Variants in NPHP3 observed in about 807,000 individuals in gnomAD.
The protein encoded by NPHP3 is nephrocystin-3.
A neutral mutation model predicts 171.9 loss-of-function variants in NPHP3; 123 were observed. The observed-to-expected ratio is 0.72, with a 90% CI of 0.62 to 0.83. The LOEUF (loss-of-function observed/expected upper bound fraction) is 0.83, where lower values mean the gene tolerates loss of function less well. Among genes scored for constraint, NPHP3 ranks in the 40% least tolerant of loss-of-function variants. The probability of loss-of-function intolerance (pLI) is 0.00; values close to 1 mark genes in which losing one functional copy is unlikely to be tolerated. For missense variants in NPHP3, 1,506 were observed against 1,591.9 expected (o/e 0.95, Z 0.92); for synonymous variants, 558 against 579.2 (o/e 0.96, Z 0.52).
intron 6 of NPHP3, chr3:132,712,505 G>A (rs1179948695): frequency 1.8e-5 from 8 of 455,930 alleles, no homozygotes; most frequent in Non-Finnish European, 2.6e-5. Flanking sequence ...GTTGGCCTAC[G>A]CCTGTAATCC....
At chr3:132,702,363 T>G (rs77147476) in intron 9 of NPHP3, among the ~76,000 whole-genome samples, 3,527 of 152,230 alleles carry the variant, frequency 0.023, 152 homozygotes, top group African/African-American at 0.08. Context: ...CTCAAGACAA[T>G]CAGGTTAGCC....
In NPHP3 at chr3:132,692,698, A is replaced by G. The variant is rs2107971631; in HGVS notation, c.2431T>C (p.Leu811=). The change falls in exon 17 of 27, where the codon TTG becomes CTG. Residue 811 remains leucine (L), a synonymous_variant. Coordinates refer to ENST00000337331, the MANE Select transcript of NPHP3 (RefSeq NM_153240.5). ...SLIHSLYKMC[L]LTYGCGLLRF... The stretch of plus-strand genomic sequence containing the variant: ...AGCAAGCCACATCCATAAGTCAACA[A>G]ACACATTTTGTATAAACTGTGAATA... 2.5e-6 allele frequency: 4 copies of G among 1,614,046 alleles called. No homozygotes were observed. Among genetic ancestry groups the G allele is most frequent in the Non-Finnish European group, 3.4e-6 (4 of 1,179,942 alleles).
intron 10 of NPHP3, among the ~76,000 whole-genome samples, chr3:132,701,153 T>C (rs1939596155): frequency 6.6e-6 from 1 of 152,230 alleles, no homozygotes; most frequent in Admixed American, 6.5e-5. Flanking sequence ...ATATCACATA[T>C]GATCACTTCC....
intron 16 of NPHP3, among the ~76,000 whole-genome samples, chr3:132,694,038 G>A (rs1341115940): frequency 6.6e-6 from 1 of 151,948 alleles, no homozygotes; most frequent in Non-Finnish European, 1.5e-5. Context: ...ATAATAAAAG[G>A]AGGTTTACCC....
intron 6 of NPHP3, chr3:132,712,389 G>C (rs1340164374): frequency 2.2e-6 from 1 of 456,380 alleles, no homozygotes; most frequent in Admixed American, 2.4e-5. Context: ...AGGCCAGATA[G>C]TAAACAACTC....
rs113466095 is a variant in NPHP3, at chr3:132,713,370, C to T, written c.958-84G>A. 1.3e-3 allele frequency: 1,121 copies of T among 832,650 alleles called. 11 individuals are homozygous for T. In the African/African-American group the frequency reaches 0.018, roughly 13 times the overall value. The allele number at this position is 832,650 out of a possible 1,614,324, so 51.6% of individuals were successfully genotyped here. ...TTCATACTACTTAAAATAAAAAGCA[C>T]GCTTTAAAACAGGTTATACTGGATA... On this transcript the variant is annotated intron_variant, in intron 5 of 26. Transcript: ENST00000337331.
intron 26 of NPHP3, 43 bp downstream of exon 26, chr3:132,682,660 C>A (rs373573980): frequency 1.8e-6 from 2 of 1,101,454 alleles, no homozygotes; most frequent in South Asian, 1.2e-5. Context: ...AAAGCTACTT[C>A]GAATAAAAGA....
Position 132,722,148 on chromosome 3 carries a change from G to A in NPHP3, c.208C>T (p.Leu70=), listed in dbSNP as rs765533675. 43 of 1,589,674 alleles carry A rather than the reference G, an allele frequency of 2.7e-5. No homozygotes were observed. Among genetic ancestry groups the A allele is most frequent in the Non-Finnish European group, 3.5e-5 (41 of 1,174,006 alleles). ...CCAGTGGACTTGAAGCTGGCCCCCAGCAGCCCGCCCGCGCCCACCCCGCGG... is the reference window on the plus strand; with the variant it reads ...CCAGTGGACTTGAAGCTGGCCCCCAACAGCCCGCCCGCGCCCACCCCGCGG... ...LPRGVGAGGL[L]GASFKSTGSS... The change falls in exon 1 of 27, where the codon CTG becomes TTG. Residue 70 remains leucine, a synonymous_variant. Transcript: ENST00000337331.
intron 16 of NPHP3, chr3:132,693,592 G>T (rs970432536): frequency 6.6e-6 from 1 of 152,238 alleles, no homozygotes; most frequent in African/African-American, 2.4e-5. Context: ...ATCCAGGTTC[G>T]GCAGGGCGCA....
chr3:132,684,900 A>G (rs1939116084), intron 23 of NPHP3, 106 bp from the exon 24 acceptor site: 1 of 1,332,674 alleles, frequency 7.5e-7, no homozygotes, highest in East Asian at 2.4e-5. Flanking sequence ...CTTAGATTCT[A>G]GTTAAAATAA....
intron 6 of NPHP3, 150 bp from the exon 7 acceptor site, chr3:132,708,407 T>C: frequency 1.4e-6 from 1 of 723,688 alleles, no homozygotes; most frequent in South Asian, 1.6e-5. Flanking sequence ...TTTCCAAAAA[T>C]GGATGTGTTA....
intron 11 of NPHP3, 118 bp downstream of exon 11, chr3:132,700,216 T>C (rs1015422046): frequency 5.0e-6 from 6 of 1,207,222 alleles, no homozygotes; most frequent in African/African-American, 1.5e-5. Context: ...TTTAACCTTA[T>C]ATAAAACCAA....
intron 18 of NPHP3, 55 bp from the exon 19 acceptor site, chr3:132,690,705 A>G: frequency 6.3e-7 from 1 of 1,585,376 alleles, no homozygotes; most frequent in Non-Finnish European, 8.7e-7. Context: ...GACTGCTTCA[A>G]AAAGGCTTCA....
At chr3:132,716,980 G>A (rs1332363458) in intron 3 of NPHP3, 71 bp from the exon 4 acceptor site, 19 of 1,396,898 alleles carry the variant, frequency 1.4e-5, no homozygotes, top group Non-Finnish European at 1.7e-5. Context: ...CACATATACC[G>A]AACAGGATTG....
rs1939116319 is a variant in NPHP3 at position 132,684,907 on chromosome 3, A to G, written c.3330-113T>C. The stretch of plus-strand genomic sequence containing the variant: ...TCTTTATTCTTAGATTCTAGTTAAA[A>G]TAAGAGATTCAGCTCAAAATCTTAC... On this transcript the variant is annotated intron_variant, in intron 23 of 26. Coordinates refer to ENST00000337331, the MANE Select transcript of NPHP3 (RefSeq NM_153240.5). 3 of 1,299,960 alleles carry G rather than the reference A, an allele frequency of 2.3e-6. No homozygotes were observed. The South Asian group carries it at 3.7e-5, about 16-fold the overall frequency. 80.5% of individuals were successfully genotyped at this position (1,299,960 alleles called of 1,614,324 possible).
intron 8 of NPHP3, among the ~76,000 whole-genome samples, chr3:132,704,739 A>T (rs561557291): frequency 6.6e-6 from 1 of 152,306 alleles, no homozygotes; most frequent in Non-Finnish European, 1.5e-5. Flanking sequence ...TGAATTACTA[A>T]GATGTGATTT....
At chr3:132,720,405 T>C (rs985803800) in intron 1 of NPHP3, among the ~76,000 whole-genome samples, 3 of 152,198 alleles carry the variant, frequency 2.0e-5, no homozygotes, top group East Asian at 1.9e-4. Context: ...CCAACCCTTA[T>C]TGCACTCCGC....
chr3:132,691,142 G>A, intron 18 of NPHP3, 50 bp downstream of exon 18: 1 of 1,263,944 alleles, frequency 7.9e-7, no homozygotes, highest in Middle Eastern at 1.9e-4. Context: ...AGGACACAAA[G>A]GTAGTGTGTT....
intron 9 of NPHP3, among the ~76,000 whole-genome samples, chr3:132,702,006 A>G (rs1483820203): frequency 6.6e-6 from 1 of 152,178 alleles, no homozygotes; most frequent in Non-Finnish European, 1.5e-5. Flanking sequence ...AGCCTGGGCG[A>G]CAGAGCAAGA....
Sources: gnomAD v4.1 joint callset for allele counts (sites outside exome capture counted in the v4.1 genomes callset) on GRCh38, gnomAD v4.1.1 for gene constraint, MANE v1.5 for transcripts, NCBI Gene and HGNC (gene_info 2026-07-23, HGNC 2026-07-21) for gene names.